Variants in CPED1 observed in about 807,000 individuals in gnomAD.
CPED1 encodes the protein cadherin-like and PC-esterase domain-containing protein 1.
Under a neutral mutation model 128.2 loss-of-function variants are expected in CPED1, and 114 were observed. That is an observed-to-expected ratio of 0.89 (90% CI 0.76 to 1.04). The LOEUF is 1.04. CPED1 is among the 50% of genes least tolerant of loss of function. The pLI is 0.00. For missense variants in CPED1, 1,211 were observed against 1,207.1 expected (o/e 1.00, Z -0.05); for synonymous variants, 462 against 426.7 (o/e 1.08, Z -1.02).
chr7:121,178,223 C>T (rs1239654529), intron 16 of CPED1, among the ~76,000 whole-genome samples: 1 of 152,132 alleles, frequency 6.6e-6, no homozygotes, highest in African/African-American at 2.4e-5. Flanking sequence ...AAAACAGCAT[C>T]AGAGACAACA....
chr7:121,107,388 T>C (rs1159435790), intron 7 of CPED1, among the ~76,000 whole-genome samples: 3 of 152,096 alleles, frequency 2.0e-5, no homozygotes, highest in Non-Finnish European at 4.4e-5. Flanking sequence ...AAAAATCTAC[T>C]TGCCTAAATC....
chr7:121,115,382 T>C (rs1034719466), intron 7 of CPED1, among the ~76,000 whole-genome samples: 6 of 152,196 alleles, frequency 3.9e-5, no homozygotes, highest in Non-Finnish European at 8.8e-5. Context: ...TTCAAAAGAC[T>C]TTACAGCCAC....
intron 17 of CPED1, among the ~76,000 whole-genome samples, chr7:121,241,023 A>G (rs1798379015): frequency 6.6e-6 from 1 of 152,162 alleles, no homozygotes; most frequent in African/African-American, 2.4e-5. Flanking sequence ...AGAATTAGAA[A>G]GCAAGATATA....
At chr7:121,194,643 A>G (rs1797229032) in intron 16 of CPED1, among the ~76,000 whole-genome samples, 1 of 152,168 alleles carries the variant, frequency 6.6e-6, no homozygotes, top group Admixed American at 6.6e-5. Context: ...AAGGATAGAA[A>G]TGAATTCAAA....
At chr7:121,052,839 A>G (rs924380250) in intron 4 of CPED1, among the ~76,000 whole-genome samples, 6 of 152,082 alleles carry the variant, frequency 3.9e-5, no homozygotes, top group African/African-American at 1.2e-4. Flanking sequence ...TCTCACGCTC[A>G]GCTTCCCAAG....
chr7:121,047,980 A>G (rs1035355787), intron 4 of CPED1, among the ~76,000 whole-genome samples: 1 of 151,912 alleles, frequency 6.6e-6, no homozygotes, highest in African/African-American at 2.4e-5. Context: ...TGCTGGGGAT[A>G]ACTCCTTTCT....
At chr7:121,134,421 T>G (rs539265348) in intron 13 of CPED1, among the ~76,000 whole-genome samples, 2 of 152,088 alleles carry the variant, frequency 1.3e-5, no homozygotes, top group East Asian at 1.9e-4. Context: ...TATGCTCTCA[T>G]AGAGAGTAGA....
intron 16 of CPED1, among the ~76,000 whole-genome samples, chr7:121,170,664 A>G (rs933507727): frequency 1.3e-5 from 2 of 152,176 alleles, no homozygotes. Flanking sequence ...TGTTCAATAG[A>G]TTATACAAAT....
At chr7:121,097,574 TG>T in intron 5 of CPED1, 124 bp from the exon 6 acceptor site, 1 of 1,040,796 alleles carries the variant, frequency 9.6e-7, no homozygotes, top group Non-Finnish European at 1.4e-6. Flanking sequence ...TGATTCAGAA[TG>T]GGGAGAAAAA....
In CPED1 at chr7:121,015,790, G is replaced by A. The variant is rs141259188; in HGVS notation, c.375G>A (p.Thr125=). ...HQHILTQHGY[T]VVIAEERLNA... ...ACATTCTGACTCAACATGGCTATAC[G>A]GTTGTCATCGCTGAAGAAAGGCTCA... The change falls in exon 3 of 23, where the codon ACG becomes ACA. Residue 125 remains threonine, a synonymous_variant. Transcript: ENST00000310396. The A allele has an allele frequency of 2.4e-5, 38 of 1,601,424 alleles. No homozygotes were observed. Among genetic ancestry groups the A allele is most frequent in the Admixed American group, 3.5e-5 (2 of 56,518 alleles).
At chr7:121,142,170 T>A (rs1027145247) in intron 16 of CPED1, 29 bp downstream of exon 16, 4 of 1,563,638 alleles carry the variant, frequency 2.6e-6, no homozygotes, top group Non-Finnish European at 3.5e-6. Flanking sequence ...TGCACTTGGG[T>A]TGAATTGGGA....
intron 22 of CPED1, among the ~76,000 whole-genome samples, chr7:121,275,328 C>A (rs894472982): frequency 1.3e-5 from 2 of 151,844 alleles, no homozygotes; most frequent in African/African-American, 2.4e-5. Flanking sequence ...CTAACATGTT[C>A]CTGCTGATTA....
chr7:121,131,392 CTTTG>C lies in CPED1; in HGVS notation c.1577+1104_1577+1107del, dbSNP rs546986501. Among the ~76,000 whole-genome samples the C allele has an allele frequency of 1.1e-3, 165 of 151,694 alleles. 3 individuals are homozygous for C. The highest frequency in any genetic ancestry group is 3.8e-3 in the African/African-American group (158 of 41,386). ...TTTTAAATAACATACTTCAGAGACA[CTTTG>C]TTTGTACTTTACACTCACTCAAATA... On this transcript the variant is annotated intron_variant, in intron 12 of 22. Transcript: ENST00000310396.
At chr7:121,160,551 T>C (rs1725134288) in intron 16 of CPED1, among the ~76,000 whole-genome samples, 2 of 152,066 alleles carry the variant, frequency 1.3e-5, no homozygotes, top group Admixed American at 1.3e-4. Flanking sequence ...GGAGAGAAAA[T>C]TGCTTGTTTA....
intron 2 of CPED1, among the ~76,000 whole-genome samples, chr7:121,000,038 T>C (rs1370770787): frequency 1.3e-5 from 2 of 152,184 alleles, no homozygotes; most frequent in African/African-American, 2.4e-5. Context: ...TGAAAATTCA[T>C]ATAAGATAAA....
intron 16 of CPED1, among the ~76,000 whole-genome samples, chr7:121,194,675 A>G (rs948891769): frequency 2.0e-5 from 3 of 152,154 alleles, no homozygotes; most frequent in Non-Finnish European, 4.4e-5. Context: ...GGACTTTCTA[A>G]TGTCTCGTAA....
At chr7:121,076,708 C>T (rs1794133076) in intron 5 of CPED1, 1 of 152,108 alleles carries the variant, frequency 6.6e-6, no homozygotes, top group South Asian at 2.1e-4. Context: ...TAGATTAGCT[C>T]TCTGGGAAGT....
At chr7:121,023,830 A>G (rs1431606868) in intron 3 of CPED1, among the ~76,000 whole-genome samples, 2 of 152,246 alleles carry the variant, frequency 1.3e-5, no homozygotes, top group Non-Finnish European at 2.9e-5. Flanking sequence ...TGAGTTTAAT[A>G]TGCTCTATGA....
chr7:121,138,412 T>G (rs1584540346), intron 14 of CPED1, among the ~76,000 whole-genome samples: 1 of 152,086 alleles, frequency 6.6e-6, no homozygotes, highest in African/African-American at 2.4e-5. Flanking sequence ...CAGGTGTTTT[T>G]GGCGGCAACA....
Sources: allele counts gnomAD v4.1 joint callset (sites outside exome capture counted in the v4.1 genomes callset), GRCh38; gene constraint gnomAD v4.1.1; transcripts MANE v1.5; gene names NCBI Gene and HGNC (gene_info 2026-07-23, HGNC 2026-07-21).